Variants in GLIS3 observed in about 807,000 individuals in gnomAD.
The protein encoded by GLIS3 is GLIS family zinc finger 3.
Under a neutral mutation model 78.6 loss-of-function variants are expected in GLIS3, and 53 were observed. The observed-to-expected ratio is 0.67, with a 90% CI of 0.54 to 0.85. The LOEUF (loss-of-function observed/expected upper bound fraction) is 0.85. Ranked by LOEUF, GLIS3 falls within the 40% of genes least tolerant of loss-of-function variation. GLIS3 has a pLI of 0.00. For missense variants in GLIS3, 1,703 were observed against 1,231.1 expected, an observed-to-expected ratio of 1.38 and a Z score of -5.74; for synonymous variants, 684 against 509.9, an observed-to-expected ratio of 1.34 and a Z score of -4.60.
intron 8 of GLIS3, among the ~76,000 whole-genome samples, chr9:3,868,669 AAG>A (rs1429140062): frequency 2.6e-5 from 4 of 152,170 alleles, no homozygotes; most frequent in Non-Finnish European, 5.9e-5. Flanking sequence ...GAATGTGTGC[AAG>A]AGTCACTACA....
At chr9:4,360,075 C>T in the GLIS3 span, among the ~76,000 whole-genome samples, 3 of 151,712 alleles carry the variant, frequency 2.0e-5, no homozygotes, top group South Asian at 4.2e-4. Flanking sequence ...TATTCCCCAT[C>T]TCCTAATGAA....
the GLIS3 span, among the ~76,000 whole-genome samples, chr9:4,406,055 G>C: frequency 8.8e-3 from 1,345 of 152,188 alleles, 24 homozygotes; most frequent in African/African-American, 0.03. Flanking sequence ...GGGTATAGAA[G>C]GAACATACCT....
intron 4 of GLIS3, among the ~76,000 whole-genome samples, chr9:4,113,327 T>C (rs1831381592): frequency 6.6e-6 from 1 of 152,150 alleles, no homozygotes; most frequent in South Asian, 2.1e-4. Flanking sequence ...CTTGCCACCA[T>C]ATACAAAAGC....
chr9:4,333,606 T>C (rs1229494406), intron 2 of GLIS3, among the ~76,000 whole-genome samples: 1 of 152,020 alleles, frequency 6.6e-6, no homozygotes, highest in Non-Finnish European at 1.5e-5. Context: ...AGTGACCTAT[T>C]CAATTTGTTT....
intron 2 of GLIS3, among the ~76,000 whole-genome samples, chr9:4,162,591 G>T (rs1409087473): frequency 6.6e-6 from 1 of 152,122 alleles, no homozygotes; most frequent in African/African-American, 2.4e-5. Context: ...CGGGTGCGGT[G>T]GCTCACGCCT....
intron 9 of GLIS3, among the ~76,000 whole-genome samples, chr9:3,849,367 C>T (rs111271740): frequency 0.067 from 10,164 of 152,264 alleles, 448 homozygotes; most frequent in Middle Eastern, 0.13. Flanking sequence ...TATGGCAATG[C>T]GCTAAAATAT....
At chr9:4,337,160 A>C (rs959394945) in intron 2 of GLIS3, among the ~76,000 whole-genome samples, 1 of 152,256 alleles carries the variant, frequency 6.6e-6, no homozygotes, top group African/African-American at 2.4e-5. Flanking sequence ...TTGGCAACAC[A>C]TAGAATCATT....
the GLIS3 span, among the ~76,000 whole-genome samples, chr9:4,419,640 C>T: frequency 1.5e-4 from 21 of 142,616 alleles, no homozygotes; most frequent in South Asian, 2.7e-3. Context: ...ATTAGCCGGG[C>T]GTGGTGGTCC....
At chr9:3,841,551 A>G (rs1182146720) in intron 9 of GLIS3, among the ~76,000 whole-genome samples, 1 of 152,224 alleles carries the variant, frequency 6.6e-6, no homozygotes, top group African/African-American at 2.4e-5. Context: ...ACCCATTAGT[A>G]GCCACCCACA....
chr9:4,036,676 G>C (rs569957188), intron 4 of GLIS3, among the ~76,000 whole-genome samples: 1 of 152,130 alleles, frequency 6.6e-6, no homozygotes, highest in South Asian at 2.1e-4. Flanking sequence ...AGCAAACGGC[G>C]CATTACCTGA....
chr9:4,351,110 A>T (rs1332227689), upstream of GLIS3, among the ~76,000 whole-genome samples: 2 of 152,048 alleles, frequency 1.3e-5, no homozygotes, highest in Non-Finnish European at 2.9e-5. Context: ...CTTAGACCTT[A>T]AGGCTGGTTG....
At chr9:3,985,270 G>A (rs571800106) in intron 4 of GLIS3, among the ~76,000 whole-genome samples, 10 of 152,100 alleles carry the variant, frequency 6.6e-5, no homozygotes, top group Non-Finnish European at 1.5e-4. Flanking sequence ...AGCCTCCTGA[G>A]TAGCTGGGAC....
At chr9:4,054,498 G>C in intron 4 of GLIS3, 1 of 985,346 alleles carries the variant, frequency 1.0e-6, no homozygotes, top group Non-Finnish European at 1.2e-6. Context: ...GGTTCTGCAG[G>C]TACAGAAATG....
chr9:4,337,591 C>T (rs767573369), intron 2 of GLIS3, among the ~76,000 whole-genome samples: 3 of 152,078 alleles, frequency 2.0e-5, no homozygotes, highest in Non-Finnish European at 4.4e-5. Flanking sequence ...AGGCTCCTTC[C>T]GGTCATTTTT....
At chr9:3,964,937 C>G (rs1255364605) in intron 4 of GLIS3, among the ~76,000 whole-genome samples, 1 of 152,054 alleles carries the variant, frequency 6.6e-6, no homozygotes, top group Non-Finnish European at 1.5e-5. Context: ...GTATTGTTGC[C>G]TGTTTGAAGT....
the GLIS3 span, among the ~76,000 whole-genome samples, chr9:4,362,229 G>T: frequency 1.1e-4 from 17 of 152,252 alleles, 1 homozygote; most frequent in South Asian, 3.5e-3. Flanking sequence ...ATGCATTTTT[G>T]CTATGGATTT....
At chr9:4,258,082 A>T (rs912716937) in intron 2 of GLIS3, among the ~76,000 whole-genome samples, 1 of 152,070 alleles carries the variant, frequency 6.6e-6, no homozygotes, top group Non-Finnish European at 1.5e-5. Context: ...ACAACACAAA[A>T]CTAGAACAGC....
At chr9:3,985,585 A>G (rs1215667758) in intron 4 of GLIS3, among the ~76,000 whole-genome samples, 1 of 152,224 alleles carries the variant, frequency 6.6e-6, no homozygotes, top group Admixed American at 6.5e-5. Context: ...CTAGAATGTC[A>G]TCTTCTACCA....
At chr9:4,170,059 T>C (rs1025437059) in intron 2 of GLIS3, among the ~76,000 whole-genome samples, 12 of 152,282 alleles carry the variant, frequency 7.9e-5, no homozygotes, top group South Asian at 2.1e-4. Flanking sequence ...ATCACGGATA[T>C]AGAAACTGCC....
Sources: gnomAD v4.1 joint callset for allele counts (sites outside exome capture counted in the v4.1 genomes callset) on GRCh38, gnomAD v4.1.1 for gene constraint, MANE v1.5 for transcripts, NCBI Gene and HGNC (gene_info 2026-07-23, HGNC 2026-07-21) for gene names.